The following PRELID2 variants were observed in gnomAD, a reference collection of about 807,000 sequenced individuals.
PRELID2 encodes PRELI domain-containing protein 2.
In PRELID2, 25 loss-of-function variants were observed where a neutral mutation model predicts 28.4. That is an observed-to-expected ratio of 0.88 (90% CI 0.64 to 1.23). The LOEUF is 1.23. Among genes scored for constraint, PRELID2 ranks in the 50% most tolerant of loss-of-function variants. PRELID2 has a pLI of 0.00. For missense variants in PRELID2, 201 were observed against 214.4 expected (o/e 0.94, Z 0.39); for synonymous variants, 76 against 71.6 (o/e 1.06, Z -0.31).
chr5:145,426,533 T>C, the PRELID2 span, among the ~76,000 whole-genome samples: 3 of 152,326 alleles, frequency 2.0e-5, no homozygotes, highest in East Asian at 5.8e-4. Context: ...CCAAGTATAA[T>C]ATAAAGGGGA....
chr5:145,467,955 T>C (rs1050888094), downstream of PRELID2, among the ~76,000 whole-genome samples: 1 of 152,066 alleles, frequency 6.6e-6, no homozygotes, highest in African/African-American at 2.4e-5. Context: ...CTAGGGCACA[T>C]GTGCACAATG....
intron 1 of PRELID2, among the ~76,000 whole-genome samples, chr5:145,679,390 C>T (rs1754888691): frequency 6.6e-6 from 1 of 152,188 alleles, no homozygotes; most frequent in Non-Finnish European, 1.5e-5. Context: ...CAAATGTTAT[C>T]TCTTTGTAGA....
chr5:145,309,078 C>A, the PRELID2 span, among the ~76,000 whole-genome samples: 37 of 138,670 alleles, frequency 2.7e-4, no homozygotes, highest in African/African-American at 9.5e-4. Context: ...ATTAAAATAT[C>A]TTTTCCTCAG....
chr5:145,440,321 C>A, the PRELID2 span, among the ~76,000 whole-genome samples: 1 of 152,026 alleles, frequency 6.6e-6, no homozygotes, highest in Non-Finnish European at 1.5e-5. Flanking sequence ...TAAAACCAAC[C>A]CCTTGTGAAC....
chr5:145,702,610 CG>C (rs1755436364), intron 1 of PRELID2, among the ~76,000 whole-genome samples: 2 of 152,162 alleles, frequency 1.3e-5, no homozygotes. Flanking sequence ...CAATGACATT[CG>C]GGTCTTCTGT....
the PRELID2 span, among the ~76,000 whole-genome samples, chr5:145,325,603 T>A: frequency 8.5e-4 from 129 of 152,324 alleles, 2 homozygotes; most frequent in East Asian, 0.023. Context: ...CCCCATGTTT[T>A]CTAATAAGAA....
intron 1 of PRELID2, among the ~76,000 whole-genome samples, chr5:145,571,709 C>A (rs1051170753): frequency 2.0e-5 from 3 of 151,962 alleles, no homozygotes; most frequent in African/African-American, 7.3e-5. Flanking sequence ...TGGCCAGGTG[C>A]GGTGGTTCAC....
intron 1 of PRELID2, among the ~76,000 whole-genome samples, chr5:145,733,744 C>T (rs1334756296): frequency 2.0e-5 from 3 of 152,184 alleles, no homozygotes; most frequent in African/African-American, 7.2e-5. Flanking sequence ...TCCTCTGTCT[C>T]CTCTCAAATG....
At chr5:145,232,175 A>G in the PRELID2 span, among the ~76,000 whole-genome samples, 1 of 152,032 alleles carries the variant, frequency 6.6e-6, no homozygotes, top group African/African-American at 2.4e-5. Context: ...GAGTACAGAA[A>G]GTATCTTTTC....
the PRELID2 span, among the ~76,000 whole-genome samples, chr5:145,260,852 C>T: frequency 6.6e-6 from 1 of 152,178 alleles, no homozygotes; most frequent in Non-Finnish European, 1.5e-5. Flanking sequence ...CTGCAGGCTC[C>T]ATGGGACAGC....
chr5:145,262,266 C>T, the PRELID2 span, among the ~76,000 whole-genome samples: 8 of 151,930 alleles, frequency 5.3e-5, no homozygotes, highest in South Asian at 6.2e-4. Flanking sequence ...GTTTGGAAAA[C>T]ATATTTGAGG....
the PRELID2 span, among the ~76,000 whole-genome samples, chr5:145,405,094 A>T: frequency 6.6e-6 from 1 of 152,132 alleles, no homozygotes; most frequent in African/African-American, 2.4e-5. Context: ...GCTATCCCAA[A>T]CTCCAAAAAT....
chr5:145,712,904 G>T (rs1158207205), intron 1 of PRELID2, among the ~76,000 whole-genome samples: 1 of 151,970 alleles, frequency 6.6e-6, no homozygotes, highest in Non-Finnish European at 1.5e-5. Flanking sequence ...TATCAGAGAT[G>T]AAGAATATAT....
chr5:145,598,441 C>A (rs764647687), intron 1 of PRELID2, among the ~76,000 whole-genome samples: 8 of 152,014 alleles, frequency 5.3e-5, no homozygotes, highest in Non-Finnish European at 1.0e-4. Flanking sequence ...GTAGAGACAA[C>A]CAGAAGCCAG....
the PRELID2 span, among the ~76,000 whole-genome samples, chr5:145,401,488 A>G: frequency 2.0e-5 from 3 of 152,148 alleles, no homozygotes; most frequent in African/African-American, 7.2e-5. Context: ...ATAGATTTTG[A>G]AATGCATTAG....
At chr5:145,513,352 C>T (rs1404663676) in intron 1 of PRELID2, among the ~76,000 whole-genome samples, 1 of 151,496 alleles carries the variant, frequency 6.6e-6, no homozygotes, top group Non-Finnish European at 1.5e-5. Flanking sequence ...ACACAAGTAT[C>T]AATAGCCGAA....
the PRELID2 span, among the ~76,000 whole-genome samples, chr5:145,459,834 G>T: frequency 6.9e-6 from 1 of 144,786 alleles, no homozygotes; most frequent in Non-Finnish European, 1.5e-5. Context: ...TTTTTTGACA[G>T]AGTCTTTCTC....
chr5:145,410,171 C>A, the PRELID2 span, among the ~76,000 whole-genome samples: 2 of 152,140 alleles, frequency 1.3e-5, no homozygotes, highest in African/African-American at 4.8e-5. Context: ...CAAGATGGAT[C>A]AAAGACTTTA....
chr5:145,339,327 G>T, the PRELID2 span, among the ~76,000 whole-genome samples: 3 of 152,204 alleles, frequency 2.0e-5, no homozygotes, highest in Non-Finnish European at 4.4e-5. Flanking sequence ...GGATTGGCGG[G>T]GAGCTTGGAG....
Sources: allele counts gnomAD v4.1 joint callset (sites outside exome capture counted in the v4.1 genomes callset), GRCh38; gene constraint gnomAD v4.1.1; transcripts MANE v1.5; gene names NCBI Gene and HGNC (gene_info 2026-07-23, HGNC 2026-07-21).